PDE3A: variants seen among roughly 807,000 people sequenced by gnomAD.
PDE3A encodes the protein phosphodiesterase 3A.
PDE3A carries 43 observed loss-of-function variants against 98.3 expected under a neutral mutation model. The observed-to-expected ratio is 0.44, with a 90% CI of 0.34 to 0.56. The LOEUF is 0.56. Ranked by LOEUF, PDE3A falls within the 20% of genes least tolerant of loss-of-function variation. The probability of loss-of-function intolerance (pLI) is 0.01; values close to 1 mark genes in which losing one functional copy is unlikely to be tolerated. For synonymous variants in PDE3A, 663 were observed against 567.9 expected (o/e 1.17, Z -2.38); for missense variants, 1,427 against 1,440.7 (o/e 0.99, Z 0.15).
intron 1 of PDE3A, among the ~76,000 whole-genome samples, chr12:20,401,552 G>C (rs1418681062): frequency 6.6e-6 from 1 of 151,806 alleles, no homozygotes; most frequent in African/African-American, 2.4e-5. Context: ...TCCTACTTCT[G>C]TCTACCACAT....
At chr12:20,520,224 C>A (rs1946397269) in intron 1 of PDE3A, among the ~76,000 whole-genome samples, 1 of 152,104 alleles carries the variant, frequency 6.6e-6, no homozygotes, top group Admixed American at 6.6e-5. Flanking sequence ...TAATAAAAAA[C>A]CATCTATGCC....
At chr12:20,590,327 C>A (rs551576346) in intron 2 of PDE3A, among the ~76,000 whole-genome samples, 1 of 149,028 alleles carries the variant, frequency 6.7e-6, no homozygotes, top group Non-Finnish European at 1.5e-5. Context: ...CCTCTGACCC[C>A]TTTTCTTCTC....
chr12:20,519,639 A>G (rs1946386609), intron 1 of PDE3A, among the ~76,000 whole-genome samples: 1 of 152,208 alleles, frequency 6.6e-6, no homozygotes, highest in African/African-American at 2.4e-5. Context: ...TGATTAATGA[A>G]GAAGGGAATG....
chr12:20,558,929 C>T (rs1404742433), intron 2 of PDE3A, among the ~76,000 whole-genome samples: 2 of 152,080 alleles, frequency 1.3e-5, no homozygotes, highest in African/African-American at 2.4e-5. Flanking sequence ...CCTATGTTTA[C>T]AGCACTGTGG....
rs77816343 is a variant in PDE3A at position 20,434,071 on chromosome 12, T to A, written c.960+63827T>A. On this transcript the variant is annotated intron_variant, in intron 1 of 15. Coordinates refer to ENST00000359062, the MANE Select transcript of PDE3A (RefSeq NM_000921.5). ...ATGCAGGTGGTGTTAGGCTCCCACA[T>A]TGTTAAAATAATGTGCAACATTGGT... Among the ~76,000 whole-genome samples, 603 of 152,324 alleles carry A rather than the reference T, an allele frequency of 4.0e-3. 8 individuals are homozygous for A. Among genetic ancestry groups the A allele is most frequent in the African/African-American group, 0.013 (555 of 41,578 alleles).
chr12:20,532,458 A>G (rs1390945317), intron 1 of PDE3A, among the ~76,000 whole-genome samples: 1 of 152,214 alleles, frequency 6.6e-6, no homozygotes, highest in Non-Finnish European at 1.5e-5. Flanking sequence ...AGGTATAAAT[A>G]TACCCATTTA....
intron 1 of PDE3A, among the ~76,000 whole-genome samples, chr12:20,389,622 T>C (rs1413017384): frequency 6.6e-6 from 1 of 151,912 alleles, no homozygotes; most frequent in Non-Finnish European, 1.5e-5. Context: ...AATGTGGGGA[T>C]TGCTGGGGGA....
At chr12:20,524,829 T>G (rs572190440) in intron 1 of PDE3A, among the ~76,000 whole-genome samples, 1 of 151,858 alleles carries the variant, frequency 6.6e-6, no homozygotes, top group Admixed American at 6.6e-5. Context: ...TGCACTACCC[T>G]CTTGTGGTTA....
chr12:20,546,590 C>G (rs996557101), intron 1 of PDE3A, among the ~76,000 whole-genome samples: 2 of 151,952 alleles, frequency 1.3e-5, no homozygotes, highest in Non-Finnish European at 2.9e-5. Context: ...AGGAAAGAAT[C>G]CAATCAAACA....
intron 1 of PDE3A, among the ~76,000 whole-genome samples, chr12:20,404,774 A>G (rs550257216): frequency 4.9e-5 from 7 of 143,958 alleles, no homozygotes; most frequent in Non-Finnish European, 9.0e-5. Context: ...TCCTTGAGCT[A>G]TTGGCCACGT....
At chr12:20,529,462 T>G (rs2121180915) in intron 1 of PDE3A, among the ~76,000 whole-genome samples, 1 of 152,218 alleles carries the variant, frequency 6.6e-6, no homozygotes, top group South Asian at 2.1e-4. Context: ...TATTTGGAAA[T>G]AGGGTCTTTG....
chr12:20,586,124 T>C (rs1419858271), intron 2 of PDE3A, among the ~76,000 whole-genome samples: 4 of 152,114 alleles, frequency 2.6e-5, no homozygotes, highest in Non-Finnish European at 2.9e-5. Context: ...GGGTGTGTCT[T>C]CTGTGTAAAG....
At chr12:20,562,726 T>C (rs976195341) in intron 2 of PDE3A, among the ~76,000 whole-genome samples, 11 of 152,154 alleles carry the variant, frequency 7.2e-5, no homozygotes, top group Admixed American at 5.9e-4. Flanking sequence ...AGTTATTTAG[T>C]ATATTATTGG....
chr12:20,386,132 AATATATATAAATATATATATAAAT>A (rs1565532602), intron 1 of PDE3A, among the ~76,000 whole-genome samples: 1 of 78,392 alleles, frequency 1.3e-5, no homozygotes, highest in Non-Finnish European at 2.1e-5. Context: ...AATATATATA[AATATATATAAATATATATATAAAT>A]ATATATAAAT....
chr12:20,540,930 G>A (rs7962472), intron 1 of PDE3A, among the ~76,000 whole-genome samples: 149,648 of 151,998 alleles, frequency 0.98, 73,713 homozygotes, highest in Middle Eastern at 1. Flanking sequence ...TGTGTTTAAT[G>A]TATTTTTTAA....
chr12:20,662,951 G>C (rs376442345), intron 15 of PDE3A, among the ~76,000 whole-genome samples: 1 of 152,182 alleles, frequency 6.6e-6, no homozygotes, highest in African/African-American at 2.4e-5. Context: ...AGAGGCCTAG[G>C]CAGAAAAAAC....
At chr12:20,509,321 C>A (rs1273672024) in intron 1 of PDE3A, among the ~76,000 whole-genome samples, 1 of 151,930 alleles carries the variant, frequency 6.6e-6, no homozygotes, top group Non-Finnish European at 1.5e-5. Context: ...AGGTGTTGGG[C>A]AAAGCCTTTC....
At chr12:20,415,625 C>T (rs887866807) in intron 1 of PDE3A, among the ~76,000 whole-genome samples, 5 of 152,082 alleles carry the variant, frequency 3.3e-5, no homozygotes, top group Middle Eastern at 3.4e-3. Context: ...TTAGTAGAGA[C>T]GGGGTTTCAC....
At chr12:20,664,185 A>G (rs1945250892) in intron 15 of PDE3A, among the ~76,000 whole-genome samples, 2 of 151,818 alleles carry the variant, frequency 1.3e-5, no homozygotes, top group African/African-American at 4.8e-5. Context: ...ACTGTGAGTC[A>G]ATTAAACCTC....
Sources: allele counts gnomAD v4.1 joint callset (sites outside exome capture counted in the v4.1 genomes callset), GRCh38; gene constraint gnomAD v4.1.1; transcripts MANE v1.5; gene names NCBI Gene and HGNC (gene_info 2026-07-23, HGNC 2026-07-21).